Variants in SH3BGRL2 observed in about 807,000 individuals in gnomAD.
The protein encoded by SH3BGRL2 is SH3 domain-binding glutamic acid-rich-like protein 2.
A neutral mutation model predicts 14.8 loss-of-function variants in SH3BGRL2; 21 were observed. The ratio of observed to expected loss-of-function variants is 1.42; its 90% CI spans 1.01 to 2.05. The LOEUF (loss-of-function observed/expected upper bound fraction) is 2.05, where lower values mean the gene tolerates loss of function less well. SH3BGRL2 is among the 30% of genes most tolerant of loss of function. The pLI, the probability that SH3BGRL2 is intolerant of heterozygous loss-of-function variation, is 0.00. For synonymous variants in SH3BGRL2, 50 were observed against 47.8 expected (o/e 1.05, Z -0.19); for missense variants, 147 against 130.8 (o/e 1.12, Z -0.61).
intron 1 of SH3BGRL2, among the ~76,000 whole-genome samples, chr6:79,637,109 G>A (rs1006511094): frequency 2.6e-5 from 4 of 152,190 alleles, no homozygotes; most frequent in Non-Finnish European, 5.9e-5. Flanking sequence ...GGATATTGAA[G>A]TATATGGAAC....
At chr6:79,659,930 G>C (rs1007661147) in intron 1 of SH3BGRL2, among the ~76,000 whole-genome samples, 1 of 139,802 alleles carries the variant, frequency 7.2e-6, no homozygotes, top group African/African-American at 2.6e-5. Flanking sequence ...TCGTGATTTG[G>C]CTCTCTGTTT....
the SH3BGRL2 span, among the ~76,000 whole-genome samples, chr6:79,540,436 AAAAT>A: frequency 2.8e-4 from 43 of 151,482 alleles, no homozygotes; most frequent in South Asian, 3.1e-3. Context: ...TTCCGTCTCA[AAAAT>A]AAATAAATAA....
At chr6:79,688,474 A>C (rs1340016220) in intron 2 of SH3BGRL2, among the ~76,000 whole-genome samples, 3 of 152,190 alleles carry the variant, frequency 2.0e-5, no homozygotes, top group Non-Finnish European at 2.9e-5. Context: ...TCTGCAAAGT[A>C]AATATTTACT....
the SH3BGRL2 span, among the ~76,000 whole-genome samples, chr6:79,547,877 A>G: frequency 6.6e-6 from 1 of 152,128 alleles, no homozygotes; most frequent in Non-Finnish European, 1.5e-5. Flanking sequence ...AATAATTACT[A>G]TTTTTTGAGA....
At chr6:79,631,529 GT>G in intron 1 of SH3BGRL2, 23 bp downstream of exon 1, 1 of 1,426,790 alleles carries the variant, frequency 7.0e-7, no homozygotes, top group Non-Finnish European at 9.2e-7. Flanking sequence ...GGGGCGGGCA[GT>G]AGGTTGGGGT....
At chr6:79,555,884 G>A in the SH3BGRL2 span, among the ~76,000 whole-genome samples, 1 of 152,088 alleles carries the variant, frequency 6.6e-6, no homozygotes. Context: ...ATAATATAGT[G>A]CTATGAAATT....
the SH3BGRL2 span, among the ~76,000 whole-genome samples, chr6:79,617,205 AAAAAG>A: frequency 6.6e-6 from 1 of 152,134 alleles, no homozygotes; most frequent in African/African-American, 2.4e-5. Context: ...AAAAGAAAAA[AAAAAG>A]AAAAGAAAAA....
chr6:79,554,290 G>A, the SH3BGRL2 span, among the ~76,000 whole-genome samples: 6 of 152,100 alleles, frequency 3.9e-5, no homozygotes, highest in African/African-American at 1.4e-4. Flanking sequence ...AATTAAGTAG[G>A]AATTTCTAGA....
At chr6:79,638,477 G>C (rs754601972) in intron 1 of SH3BGRL2, among the ~76,000 whole-genome samples, 1 of 152,102 alleles carries the variant, frequency 6.6e-6, no homozygotes, top group Non-Finnish European at 1.5e-5. Context: ...TAGTGGGATT[G>C]CTGGATCAAA....
chr6:79,657,453 C>T (rs1769444023), intron 1 of SH3BGRL2, among the ~76,000 whole-genome samples: 1 of 152,070 alleles, frequency 6.6e-6, no homozygotes, highest in East Asian at 1.9e-4. Flanking sequence ...GGATGTGGCT[C>T]TTGTAGCTGG....
the SH3BGRL2 span, among the ~76,000 whole-genome samples, chr6:79,614,114 C>T: frequency 1.3e-5 from 2 of 152,096 alleles, no homozygotes; most frequent in South Asian, 2.1e-4. Flanking sequence ...GGAGCGCCCC[C>T]GCTGTACTGT....
At chr6:79,576,214 C>G in the SH3BGRL2 span, among the ~76,000 whole-genome samples, 2 of 152,048 alleles carry the variant, frequency 1.3e-5, no homozygotes, top group African/African-American at 2.4e-5. Context: ...CATTTTATGA[C>G]ATCTCTTTGT....
chr6:79,558,636 G>T, the SH3BGRL2 span, among the ~76,000 whole-genome samples: 2 of 151,962 alleles, frequency 1.3e-5, no homozygotes, highest in African/African-American at 4.8e-5. Flanking sequence ...AGGCCGAGGA[G>T]GGCAGATCGC....
chr6:79,598,339 CTA>C, the SH3BGRL2 span, among the ~76,000 whole-genome samples: 11 of 152,132 alleles, frequency 7.2e-5, no homozygotes, highest in Admixed American at 7.2e-4. Context: ...TAGAAACAAT[CTA>C]TGTGTTGTAT....
the SH3BGRL2 span, among the ~76,000 whole-genome samples, chr6:79,593,767 G>T: frequency 1.3e-5 from 2 of 152,146 alleles, no homozygotes; most frequent in African/African-American, 4.8e-5. Context: ...AAGGTAACTG[G>T]CAGATATAAA....
At chr6:79,559,443 T>C in the SH3BGRL2 span, among the ~76,000 whole-genome samples, 1 of 152,022 alleles carries the variant, frequency 6.6e-6, no homozygotes, top group Non-Finnish European at 1.5e-5. Context: ...AATCTAATAA[T>C]GAGTAAACAT....
At chr6:79,692,173 T>C (rs915727501) in intron 2 of SH3BGRL2, among the ~76,000 whole-genome samples, 39 of 152,318 alleles carry the variant, frequency 2.6e-4, no homozygotes, top group Admixed American at 1.9e-3. Context: ...AGTGTCTGTT[T>C]ATATCCTTCG....
At chr6:79,680,935 ATTTG>A (rs1769977099) in intron 2 of SH3BGRL2, among the ~76,000 whole-genome samples, 1 of 152,162 alleles carries the variant, frequency 6.6e-6, no homozygotes, top group African/African-American at 2.4e-5. Context: ...ACTTTGCTAA[ATTTG>A]TTTATTAGTT....
chr6:79,648,255 C>CATATATATATATATAT (rs60702112), intron 1 of SH3BGRL2, among the ~76,000 whole-genome samples: 5,369 of 61,774 alleles, frequency 0.087, 325 homozygotes, highest in East Asian at 0.12. Context: ...ATTCTTTTGG[C>CATATATATATATATAT]ATATATATAT....
Sources: gnomAD v4.1 joint callset for allele counts (sites outside exome capture counted in the v4.1 genomes callset) on GRCh38, gnomAD v4.1.1 for gene constraint, MANE v1.5 for transcripts, NCBI Gene and HGNC (gene_info 2026-07-23, HGNC 2026-07-21) for gene names.